The following RTL9 variants were observed in gnomAD, a reference collection of about 807,000 sequenced individuals.
The protein encoded by RTL9 is retrotransposon Gag-like protein 9.
Under a neutral mutation model 44.7 loss-of-function variants are expected in RTL9, and 19 were observed. The observed-to-expected ratio is 0.42, with a 90% CI of 0.30 to 0.62. RTL9 has a LOEUF of 0.62. Among genes scored for constraint, RTL9 ranks in the 20% least tolerant of loss-of-function variants. RTL9 has a pLI of 0.16. For synonymous variants in RTL9, 407 were observed against 398.9 expected (o/e 1.02, Z -0.24); for missense variants, 1,105 against 1,080.6 (o/e 1.02, Z -0.32).
intron 1 of RTL9, among the ~76,000 whole-genome samples, chrX:110,376,678 A>G (rs1013198579): frequency 8.9e-6 from 1 of 112,409 alleles, no homozygotes; most frequent in Non-Finnish European, 1.9e-5. Flanking sequence ...AATTAGACAG[A>G]TGTGGGTTCA....
At chrX:110,378,090 T>C (rs2068392001) in intron 1 of RTL9, among the ~76,000 whole-genome samples, 1 of 110,673 alleles carries the variant, frequency 9.0e-6, no homozygotes, top group African/African-American at 3.3e-5. Flanking sequence ...AGATTCTGAT[T>C]TCCTTGTGGA....
At chrX:110,422,489 C>A (rs1410091076) in intron 1 of RTL9, among the ~76,000 whole-genome samples, 6 of 113,033 alleles carry the variant, frequency 5.3e-5, no homozygotes, top group African/African-American at 1.6e-4. Context: ...CCAGTTGTGG[C>A]AAATCACCCA....
At chrX:110,369,070 C>T (rs770646217) in intron 1 of RTL9, among the ~76,000 whole-genome samples, 9 of 112,143 alleles carry the variant, frequency 8.0e-5, no homozygotes, top group African/African-American at 1.3e-4. Flanking sequence ...CGGTGGCTCA[C>T]GCCTGTAATC....
chrX:110,447,111 C>CTTTTTTTTTTTTTTTT (rs1181988453), upstream of RTL9, among the ~76,000 whole-genome samples: 4 of 36,827 alleles, frequency 1.1e-4, 1 homozygote, highest in African/African-American at 4.7e-4. Context: ...TATTCTGTGA[C>CTTTTTTTTTTTTTTTT]TTTTTTTTTT....
At chrX:110,391,836 T>G (rs2068495776) in intron 1 of RTL9, among the ~76,000 whole-genome samples, 1 of 112,282 alleles carries the variant, frequency 8.9e-6, no homozygotes, top group Admixed American at 9.5e-5. Context: ...TTCCCCTTTT[T>G]TAATTCATCC....
intron 1 of RTL9, among the ~76,000 whole-genome samples, chrX:110,367,103 C>T (rs188650791): frequency 5.8e-4 from 65 of 112,184 alleles, no homozygotes; most frequent in African/African-American, 2.0e-3. Context: ...ATGCTGACTC[C>T]TCTACTTATG....
intron 1 of RTL9, among the ~76,000 whole-genome samples, chrX:110,397,091 T>C (rs977490694): frequency 8.9e-6 from 1 of 112,072 alleles, no homozygotes; most frequent in Admixed American, 9.4e-5. Context: ...AGCCACAGTC[T>C]GGGACAGGGC....
chrX:110,378,008 C>CAAAAAAAAAAAAAA (rs755483656), intron 1 of RTL9, among the ~76,000 whole-genome samples: 16 of 30,946 alleles, frequency 5.2e-4, no homozygotes, highest in African/African-American at 2.1e-3. Context: ...GACTCCGTCT[C>CAAAAAAAAAAAAAA]AAAAAAAAAA....
intron 1 of RTL9, among the ~76,000 whole-genome samples, chrX:110,427,345 G>A (rs756049853): frequency 8.9e-6 from 1 of 111,924 alleles, no homozygotes; most frequent in East Asian, 2.8e-4. Context: ...CTCAAAATGT[G>A]GGTCCTGGGG....
upstream of RTL9, among the ~76,000 whole-genome samples, chrX:110,418,213 C>T (rs762967593): frequency 4.5e-5 from 5 of 112,346 alleles, no homozygotes; most frequent in Admixed American, 9.4e-5. Flanking sequence ...ACCAGAGATA[C>T]GCCTGATGGT....
At chrX:110,379,662 A>G (rs1007336470) in intron 1 of RTL9, among the ~76,000 whole-genome samples, 43 of 112,388 alleles carry the variant, frequency 3.8e-4, no homozygotes, top group Admixed American at 1.1e-3. Context: ...ACACACATGC[A>G]CATGCACATG....
chrX:110,440,479 T>C (rs2068872269), intron 1 of RTL9, among the ~76,000 whole-genome samples: 1 of 111,369 alleles, frequency 9.0e-6, no homozygotes, highest in Admixed American at 9.5e-5. Context: ...AGCTTAGGAG[T>C]GACATGAGGT....
intron 1 of RTL9, among the ~76,000 whole-genome samples, chrX:110,359,327 T>C (rs1018661820): frequency 2.7e-5 from 3 of 111,885 alleles, no homozygotes; most frequent in Non-Finnish European, 5.6e-5. Flanking sequence ...CCTCTAATGT[T>C]TTCTGCAGCT....
At chrX:110,417,113 T>C (rs977108586), upstream of RTL9, among the ~76,000 whole-genome samples, 6 of 111,279 alleles carry the variant, frequency 5.4e-5, no homozygotes, top group Admixed American at 4.7e-4. Flanking sequence ...ACAGACAGAG[T>C]GCTCTTCCCT....
chrX:110,447,877 C>T (rs1032057790), upstream of RTL9, among the ~76,000 whole-genome samples: 7 of 111,643 alleles, frequency 6.3e-5, no homozygotes, highest in African/African-American at 2.3e-4. Flanking sequence ...TCCCCTTAGA[C>T]TGAGGGTTTC....
chrX:110,358,975 G>A (rs927312367), intron 1 of RTL9, 59 bp downstream of exon 1: 1 of 111,773 alleles, frequency 8.9e-6, no homozygotes, highest in Non-Finnish European at 1.9e-5. Context: ...TATATGCTAG[G>A]CACTGGTCTG....
intron 1 of RTL9, among the ~76,000 whole-genome samples, chrX:110,374,346 AAT>A (rs1569417188): frequency 8.9e-6 from 1 of 112,213 alleles, no homozygotes; most frequent in Non-Finnish European, 1.9e-5. Flanking sequence ...TAAAAAAATG[AAT>A]ATGTTTTAAA....
chrX:110,454,571 A>G (rs1238456808), exon 1 of RTL9: 4 of 1,211,955 alleles, frequency 3.3e-6, no homozygotes, highest in South Asian at 1.8e-5. Context: ...AGGATTCCCC[A>G]GGCAACTCAA....
At chrX:110,422,904 T>A (rs1314131984) in intron 1 of RTL9, among the ~76,000 whole-genome samples, 1 of 112,422 alleles carries the variant, frequency 8.9e-6, no homozygotes, top group African/African-American at 3.2e-5. Flanking sequence ...TAAATGCTAT[T>A]CTCAGTGCAT....
Sources: allele counts gnomAD v4.1 joint callset (sites outside exome capture counted in the v4.1 genomes callset), GRCh38; gene constraint gnomAD v4.1.1; transcripts MANE v1.5; gene names NCBI Gene and HGNC (gene_info 2026-07-23, HGNC 2026-07-21).